EIPR1: variants seen among roughly 807,000 people sequenced by gnomAD.
EIPR1 encodes EARP and GARP complex-interacting protein 1.
Under a neutral mutation model 48.1 loss-of-function variants are expected in EIPR1, and 25 were observed. That is an observed-to-expected ratio of 0.52 (90% CI 0.38 to 0.73). The LOEUF (loss-of-function observed/expected upper bound fraction) is 0.73, where lower values mean the gene tolerates loss of function less well. Ranked by LOEUF, EIPR1 falls within the 30% of genes least tolerant of loss-of-function variation. The pLI is 0.00. For missense variants in EIPR1, 415 were observed against 506.2 expected (o/e 0.82, Z 1.73); for synonymous variants, 204 against 201.9 (o/e 1.01, Z -0.09).
At chr2:3,268,180 C>T (rs1424609740) in intron 3 of EIPR1, among the ~76,000 whole-genome samples, 1 of 152,092 alleles carries the variant, frequency 6.6e-6, no homozygotes, top group Non-Finnish European at 1.5e-5. Context: ...GAGACTGGCA[C>T]CCCAAGGCTT....
chr2:3,310,578 G>A (rs1444272559), intron 3 of EIPR1, among the ~76,000 whole-genome samples: 4 of 148,134 alleles, frequency 2.7e-5, no homozygotes, highest in African/African-American at 7.5e-5. Flanking sequence ...GCGTGAACCC[G>A]GGAGGCGGAG....
chr2:3,332,844 C>T (rs1018804192), intron 3 of EIPR1, among the ~76,000 whole-genome samples: 2 of 152,166 alleles, frequency 1.3e-5, no homozygotes, highest in African/African-American at 2.4e-5. Context: ...TAACTGAAAA[C>T]AGATCAACAG....
rs981593570 is a variant in EIPR1 at position 3,279,077 on chromosome 2, A to T, written c.260-21622T>A. Among the ~76,000 whole-genome samples, 212 of 152,206 alleles carry T rather than the reference A, an allele frequency of 1.4e-3. 1 individual carries two copies. The highest frequency in any genetic ancestry group is 1.2e-4 in the Non-Finnish European group (8 of 68,044). On this transcript the variant is annotated intron_variant, in intron 3 of 8. Coordinates refer to ENST00000382125, the MANE Select transcript of EIPR1 (RefSeq NM_003310.5). ...CACCCATGTTCTCACTAAAACAGGA[A>T]AATGTGGGTTTGCCAGCATTTGCTA...
chr2:3,371,116 G>A (rs1304950758), intron 1 of EIPR1, among the ~76,000 whole-genome samples: 7 of 152,242 alleles, frequency 4.6e-5, no homozygotes, highest in African/African-American at 1.7e-4. Context: ...TTTCAACCCA[G>A]AATTTCATAT....
intron 5 of EIPR1, among the ~76,000 whole-genome samples, chr2:3,205,416 GA>G (rs1162407138): frequency 6.6e-6 from 1 of 152,218 alleles, no homozygotes; most frequent in Non-Finnish European, 1.5e-5. Flanking sequence ...GTGATGGCTG[GA>G]ACTGCTGCAG....
intron 5 of EIPR1, among the ~76,000 whole-genome samples, chr2:3,198,644 G>A (rs946758563): frequency 1.3e-5 from 2 of 152,114 alleles, no homozygotes; most frequent in African/African-American, 4.8e-5. Context: ...TTTAAAGCTG[G>A]GTGTCTGGGG....
chr2:3,291,605 C>T (rs1369233359), intron 3 of EIPR1, among the ~76,000 whole-genome samples: 2 of 152,210 alleles, frequency 1.3e-5, no homozygotes, highest in African/African-American at 2.4e-5. Flanking sequence ...AATCTGCATC[C>T]ATTTGTCTTG....
Position 3,235,441 on chromosome 2 carries a change from CGTGCGCGCACACACACACACA to C in EIPR1, c.417-21214_417-21194del, listed in dbSNP as rs757925278. Among the ~76,000 whole-genome samples the C allele has an allele frequency of 6.3e-3, 307 of 49,048 alleles. 1 individual carries two copies. Among genetic ancestry groups the C allele is most frequent in the Admixed American group, 0.02 (65 of 3,186 alleles). The allele number at this position is 49,048 out of a possible 152,430, so 32.2% of individuals were successfully genotyped here. ...GGGTGCGCACACACACACACACACG[CGTGCGCGCACACACACACACA>C]CCCCCCAATAGCCAGAGCTCTCAGC... is the stretch of plus-strand genomic sequence containing the variant. On this transcript the variant is annotated intron_variant, in intron 4 of 8. Coordinates refer to ENST00000382125, the MANE Select transcript of EIPR1 (RefSeq NM_003310.5).
At chr2:3,224,139 C>T (rs892246180) in intron 4 of EIPR1, among the ~76,000 whole-genome samples, 2 of 152,224 alleles carry the variant, frequency 1.3e-5, no homozygotes, top group African/African-American at 2.4e-5. Context: ...CTGATTCCCG[C>T]CTTACCGGCT....
At chr2:3,234,401 A>G (rs2694089) in intron 4 of EIPR1, among the ~76,000 whole-genome samples, 139,125 of 152,180 alleles carry the variant, frequency 0.91, 64,094 homozygotes, top group East Asian at 0.98. Context: ...AAGAGTCCCC[A>G]AGAGCAGGCA....
chr2:3,341,095 C>CAAAAAAAAAAAAAAAAA (rs55667121), intron 2 of EIPR1, among the ~76,000 whole-genome samples: 4 of 22,202 alleles, frequency 1.8e-4, no homozygotes, highest in Non-Finnish European at 3.0e-4. Context: ...GATCCTGTCT[C>CAAAAAAAAAAAAAAAAA]AAAAAAAAAA....
intron 3 of EIPR1, among the ~76,000 whole-genome samples, chr2:3,308,846 T>C (rs1447973654): frequency 1.3e-5 from 2 of 152,200 alleles, no homozygotes; most frequent in African/African-American, 4.8e-5. Flanking sequence ...TTCAAATATT[T>C]CCATTTTTCA....
chr2:3,270,790 G>C (rs541282543), intron 3 of EIPR1, among the ~76,000 whole-genome samples: 1 of 152,340 alleles, frequency 6.6e-6, no homozygotes, highest in South Asian at 2.1e-4. Flanking sequence ...GCTCAGGGTG[G>C]TGGCTACTGA....
At chr2:3,351,004 A>AT (rs71396979) in intron 2 of EIPR1, among the ~76,000 whole-genome samples, 72 of 135,294 alleles carry the variant, frequency 5.3e-4, no homozygotes, top group East Asian at 6.6e-4. Flanking sequence ...ATTTTGGGCG[A>AT]TTTTTTTTTT....
At chr2:3,318,590 C>T (rs1430627075) in intron 3 of EIPR1, among the ~76,000 whole-genome samples, 1 of 152,194 alleles carries the variant, frequency 6.6e-6, no homozygotes, top group Admixed American at 6.5e-5. Flanking sequence ...TATTCCAGAG[C>T]CATGCCTCAT....
chr2:3,324,820 G>A (rs1669644346), intron 3 of EIPR1, among the ~76,000 whole-genome samples: 1 of 149,640 alleles, frequency 6.7e-6, no homozygotes, highest in African/African-American at 2.4e-5. Flanking sequence ...AGTGGCCGCT[G>A]CCGCGCCTCC....
rs965558661 is a variant in EIPR1, at chr2:3,370,564, C to A, written c.42+7084G>T. Among the ~76,000 whole-genome samples, 91 of 152,126 alleles carry A rather than the reference C, an allele frequency of 6.0e-4. 3 individuals are homozygous for A. The highest frequency in any genetic ancestry group is 1.2e-4 in the Non-Finnish European group (8 of 68,020). ...TTAAAGGAGCTGATGGAGCTGAAAG[C>A]CAAGGCTCGAGAACTATGTGAAGAA... On this transcript the variant is annotated intron_variant, in intron 1 of 8. Coordinates refer to ENST00000382125, the MANE Select transcript of EIPR1 (RefSeq NM_003310.5).
rs549388883 is a variant in EIPR1, at chr2:3,357,518, A to G, written c.43-2885T>C. On this transcript the variant is annotated intron_variant, in intron 1 of 8. Coordinates refer to ENST00000382125, the MANE Select transcript of EIPR1 (RefSeq NM_003310.5). ...AACTTAGGAGTATGCACCTGTAACA[A>G]CTGAGTCTTGGCCAATCCCAGCAGC... Among the ~76,000 whole-genome samples, 118 of 152,318 alleles carry G rather than the reference A, an allele frequency of 7.7e-4. 1 individual carries two copies. Among genetic ancestry groups the G allele is most frequent in the African/African-American group, 2.8e-3 (117 of 41,568 alleles).
At chr2:3,282,516 T>C (rs531930706) in intron 3 of EIPR1, 7 of 152,380 alleles carry the variant, frequency 4.6e-5, no homozygotes, top group African/African-American at 1.4e-4. Context: ...CATTCCCTCA[T>C]GTTTAACCTT....
Sources: gnomAD v4.1 joint callset for allele counts (sites outside exome capture counted in the v4.1 genomes callset) on GRCh38, gnomAD v4.1.1 for gene constraint, MANE v1.5 for transcripts, NCBI Gene and HGNC (gene_info 2026-07-23, HGNC 2026-07-21) for gene names.